Variants in AKT3 observed in about 807,000 individuals in gnomAD.
AKT3 encodes AKT serine/threonine kinase 3, also known as RAC-gamma serine/threonine-protein kinase.
A neutral mutation model predicts 65.3 loss-of-function variants in AKT3; 15 were observed. The ratio of observed to expected loss-of-function variants is 0.23; its 90% CI spans 0.15 to 0.35. The LOEUF (loss-of-function observed/expected upper bound fraction) is 0.35. AKT3 is among the 10% of genes least tolerant of loss of function. The pLI is 1.00. For synonymous variants in AKT3, 206 were observed against 183.8 expected (o/e 1.12, Z -0.98); for missense variants, 243 against 576.5 (o/e 0.42, Z 5.92).
chr1:243,835,843 G>A (rs1424809956), intron 2 of AKT3, among the ~76,000 whole-genome samples: 1 of 151,884 alleles, frequency 6.6e-6, no homozygotes, highest in Non-Finnish European at 1.5e-5. Flanking sequence ...AAAAATAACA[G>A]TATGCCTAAG....
At chr1:243,576,444 T>C (rs377384841) in intron 8 of AKT3, among the ~76,000 whole-genome samples, 1 of 152,092 alleles carries the variant, frequency 6.6e-6, no homozygotes, top group African/African-American at 2.4e-5. Flanking sequence ...GGAAGTAAAA[T>C]TGTCTTTGTT....
intron 2 of AKT3, among the ~76,000 whole-genome samples, chr1:243,816,648 G>A (rs1693539204): frequency 1.3e-5 from 2 of 151,446 alleles, no homozygotes; most frequent in African/African-American, 2.4e-5. Flanking sequence ...ACAACACAAA[G>A]GCAGAACAAA....
intron 8 of AKT3, among the ~76,000 whole-genome samples, chr1:243,606,737 G>A (rs1677455200): frequency 6.6e-6 from 1 of 152,244 alleles, no homozygotes; most frequent in Non-Finnish European, 1.5e-5. Flanking sequence ...GCATTTCAGA[G>A]ACCTTTGCAG....
intron 2 of AKT3, among the ~76,000 whole-genome samples, chr1:243,827,876 A>T (rs1434256918): frequency 6.6e-6 from 1 of 152,186 alleles, no homozygotes; most frequent in South Asian, 2.1e-4. Context: ...TGAGGAAGAG[A>T]GTACAACATG....
intron 10 of AKT3, among the ~76,000 whole-genome samples, chr1:243,555,142 T>C (rs1319912025): frequency 6.6e-6 from 1 of 152,204 alleles, no homozygotes; most frequent in Non-Finnish European, 1.5e-5. Context: ...TTAGAACTGT[T>C]TGCCGTATTA....
intron 2 of AKT3, among the ~76,000 whole-genome samples, chr1:243,787,534 T>C (rs974083608): frequency 5.9e-5 from 9 of 152,222 alleles, no homozygotes; most frequent in African/African-American, 2.2e-4. Context: ...GAGGCTTATG[T>C]CATTATAACT....
chr1:243,593,477 A>T (rs1676377722), intron 8 of AKT3, among the ~76,000 whole-genome samples: 1 of 152,170 alleles, frequency 6.6e-6, no homozygotes, highest in Non-Finnish European at 1.5e-5. Context: ...ACTTGAGGGT[A>T]AGAGTTCGAG....
Position 243,834,189 on chromosome 1 carries a change from T to G in AKT3, c.46+8936A>C, listed in dbSNP as rs540877972. On this transcript the variant is annotated intron_variant, in intron 2 of 13. Transcript: ENST00000673466. ...TGACCAAAGGAATATAAATCATACA[T>G]GTATCATAAAGACACATGTACACAT... Among the ~76,000 whole-genome samples, 8 of 152,234 alleles carry G rather than the reference T, an allele frequency of 5.3e-5. 1 individual carries two copies. Among genetic ancestry groups the G allele is most frequent in the Admixed American group, 5.2e-4 (8 of 15,284 alleles).
Position 243,709,631 on chromosome 1 carries a change from T to C in AKT3, c.47-13915A>G, listed in dbSNP as rs528529055. Among the ~76,000 whole-genome samples the C allele has an allele frequency of 2.6e-5, 4 of 152,156 alleles. No individual in the cohort carries two copies. In the South Asian group the frequency reaches 8.3e-4, roughly 31 times the overall value. On this transcript the variant is annotated intron_variant, in intron 2 of 13. Coordinates refer to ENST00000673466, the MANE Select transcript of AKT3 (RefSeq NM_005465.7). ...AAAATTTAAATTCTATTTAAAATCC[T>C]TCTTTACTAAATCAAAAGGTAAAAG...
At chr1:243,774,185 ACCAG>A (rs1690390887) in intron 2 of AKT3, among the ~76,000 whole-genome samples, 1 of 152,114 alleles carries the variant, frequency 6.6e-6, no homozygotes, top group Non-Finnish European at 1.5e-5. Flanking sequence ...TCATTAGTAA[ACCAG>A]TATATCAATT....
At chr1:243,788,476 CCA>C (rs1691411548) in intron 2 of AKT3, among the ~76,000 whole-genome samples, 1 of 152,176 alleles carries the variant, frequency 6.6e-6, no homozygotes, top group East Asian at 1.9e-4. Context: ...ATACTAAAAT[CCA>C]CAGATATTCA....
At chr1:243,552,013 G>A (rs1167360664) in intron 11 of AKT3, among the ~76,000 whole-genome samples, 2 of 152,020 alleles carry the variant, frequency 1.3e-5, no homozygotes, top group Non-Finnish European at 2.9e-5. Context: ...TTAGAGGCCG[G>A]GTGCGGTGGC....
At chr1:243,642,080 A>G (rs934704618) in intron 5 of AKT3, among the ~76,000 whole-genome samples, 2 of 152,216 alleles carry the variant, frequency 1.3e-5, no homozygotes, top group Admixed American at 6.5e-5. Flanking sequence ...ATTTACATGG[A>G]AATTACTATT....
chr1:243,767,588 C>G (rs1169401756), intron 2 of AKT3, among the ~76,000 whole-genome samples: 1 of 151,672 alleles, frequency 6.6e-6, no homozygotes, highest in Non-Finnish European at 1.5e-5. Flanking sequence ...GAAGTATTTT[C>G]AAGTTAAAAA....
At chr1:243,589,306 CAAAAA>C (rs758254217) in intron 8 of AKT3, among the ~76,000 whole-genome samples, 3 of 40,886 alleles carry the variant, frequency 7.3e-5, no homozygotes, top group African/African-American at 9.5e-5. Context: ...AACTCCATCT[CAAAAA>C]AAAAAAAAAA....
intron 10 of AKT3, among the ~76,000 whole-genome samples, chr1:243,561,744 C>G (rs1483873917): frequency 6.6e-6 from 1 of 152,188 alleles, no homozygotes; most frequent in Admixed American, 6.6e-5. Flanking sequence ...ACCAGCTGCT[C>G]TCTTTGGAAA....
At chr1:243,746,949 G>A (rs1187181671) in intron 2 of AKT3, among the ~76,000 whole-genome samples, 1 of 152,098 alleles carries the variant, frequency 6.6e-6, no homozygotes, top group Admixed American at 6.5e-5. Context: ...GCCATGCTGA[G>A]TTTAACAACA....
At chr1:243,568,524 G>T (rs1490967385) in intron 9 of AKT3, among the ~76,000 whole-genome samples, 1 of 151,952 alleles carries the variant, frequency 6.6e-6, no homozygotes, top group African/African-American at 2.4e-5. Flanking sequence ...AAGTGGACAG[G>T]CATTACTTGA....
intron 2 of AKT3, among the ~76,000 whole-genome samples, chr1:243,778,835 A>C (rs1690722313): frequency 6.6e-6 from 1 of 152,156 alleles, no homozygotes; most frequent in South Asian, 2.1e-4. Context: ...ATATAAGCAA[A>C]TACAACTATA....
Sources: allele counts gnomAD v4.1 joint callset (sites outside exome capture counted in the v4.1 genomes callset), GRCh38; gene constraint gnomAD v4.1.1; transcripts MANE v1.5; gene names NCBI Gene and HGNC (gene_info 2026-07-23, HGNC 2026-07-21).